PROS1: variants seen among roughly 807,000 people sequenced by gnomAD.
PROS1 encodes protein S.
A neutral mutation model predicts 75.9 loss-of-function variants in PROS1; 29 were observed. The ratio of observed to expected loss-of-function variants is 0.38; its 90% CI spans 0.28 to 0.52. PROS1 has a LOEUF of 0.52. Ranked by LOEUF, PROS1 falls within the 20% of genes least tolerant of loss-of-function variation. The probability of loss-of-function intolerance (pLI) is 0.83; values close to 1 mark genes in which losing one functional copy is unlikely to be tolerated. For missense variants in PROS1, 680 were observed against 810.3 expected (o/e 0.84, Z 1.95); for synonymous variants, 245 against 280.6 (o/e 0.87, Z 1.27).
intron 12 of PROS1, among the ~76,000 whole-genome samples, chr3:93,881,889 C>A (rs1708280228): frequency 6.6e-6 from 1 of 151,922 alleles, no homozygotes; most frequent in Non-Finnish European, 1.5e-5. Context: ...CAAATAAACA[C>A]AATTAAAATG....
Position 93,954,225 on chromosome 3 carries a change from C to T in PROS1, c.76+19449G>A, listed in dbSNP as rs182856055. On this transcript the variant is annotated intron_variant, in intron 1 of 14. Coordinates refer to ENST00000394236, the MANE Select transcript of PROS1 (RefSeq NM_000313.4). ...TTCTTCACAGAACTGGAAGAAACTA[C>T]TTTGAAGTTTATATGGAACCAAAAA... is the stretch of plus-strand genomic sequence containing the variant. 2.2e-3 allele frequency among the ~76,000 whole-genome samples: 340 copies of T among 152,248 alleles called. 2 individuals carry two copies. Among genetic ancestry groups the T allele is most frequent in the African/African-American group, 7.9e-3 (329 of 41,558 alleles).
At chr3:93,931,825 C>A (rs1184269876) in intron 1 of PROS1, among the ~76,000 whole-genome samples, 1 of 152,326 alleles carries the variant, frequency 6.6e-6, no homozygotes, top group East Asian at 1.9e-4. Flanking sequence ...ACTCCCGCTG[C>A]CACAGCTCAT....
chr3:93,927,891 ATATATATATG>A (rs1456304484), intron 1 of PROS1, among the ~76,000 whole-genome samples: 2 of 141,126 alleles, frequency 1.4e-5, no homozygotes, highest in Admixed American at 7.3e-5. Context: ...ATGTGTATAT[ATATATATATG>A]TGTGTGTGTG....
At chr3:93,937,710 G>T (rs577723014) in intron 1 of PROS1, among the ~76,000 whole-genome samples, 1 of 152,240 alleles carries the variant, frequency 6.6e-6, no homozygotes, top group East Asian at 1.9e-4. Context: ...GCAGGCCCAG[G>T]CCCAGTTTTG....
chr3:93,889,219 C>A (rs980249156), intron 10 of PROS1, among the ~76,000 whole-genome samples: 2 of 152,000 alleles, frequency 1.3e-5, no homozygotes, highest in Non-Finnish European at 2.9e-5. Context: ...TTTCTTTTTC[C>A]TTATAACATG....
At chr3:93,924,826 C>A (rs1708993255) in intron 2 of PROS1, among the ~76,000 whole-genome samples, 1 of 151,986 alleles carries the variant, frequency 6.6e-6, no homozygotes, top group African/African-American at 2.4e-5. Context: ...CCATGCACAG[C>A]TGGTTTTTTG....
chr3:93,899,576 T>A (rs1708555205), intron 7 of PROS1, among the ~76,000 whole-genome samples: 1 of 152,184 alleles, frequency 6.6e-6, no homozygotes, highest in African/African-American at 2.4e-5. Context: ...CACGGTAATT[T>A]CTATCTGCAA....
intron 11 of PROS1, among the ~76,000 whole-genome samples, chr3:93,885,842 T>A (rs1490431141): frequency 6.6e-6 from 1 of 152,174 alleles, no homozygotes; most frequent in Non-Finnish European, 1.5e-5. Context: ...GAAAGACGGA[T>A]GTAAGATAGT....
intron 1 of PROS1, among the ~76,000 whole-genome samples, chr3:93,945,574 A>G (rs1709377309): frequency 6.6e-6 from 1 of 152,226 alleles, no homozygotes; most frequent in Non-Finnish European, 1.5e-5. Context: ...GATTATCTCA[A>G]TAGATGCAGA....
At chr3:93,899,947 G>C (rs955627108) in intron 7 of PROS1, among the ~76,000 whole-genome samples, 1 of 152,068 alleles carries the variant, frequency 6.6e-6, no homozygotes, top group African/African-American at 2.4e-5. Context: ...AACTGTACTT[G>C]TAGCCCCTAA....
intron 12 of PROS1, 141 bp from the exon 13 acceptor site, chr3:93,879,455 A>G (rs1559928197): frequency 8.3e-7 from 1 of 1,209,090 alleles, no homozygotes; most frequent in East Asian, 2.4e-5. Flanking sequence ...TGATCTATAT[A>G]ACCTAGGCAA....
chr3:93,927,463 G>A, intron 1 of PROS1, 56 bp from the exon 2 acceptor site: 1 of 1,543,612 alleles, frequency 6.5e-7, no homozygotes, highest in East Asian at 2.4e-5. Context: ...AAAATATATT[G>A]TTTTATTAAA....
chr3:93,876,331 G>A (rs1223318800), intron 14 of PROS1, among the ~76,000 whole-genome samples: 2 of 152,162 alleles, frequency 1.3e-5, no homozygotes, highest in African/African-American at 4.8e-5. Flanking sequence ...GCTCACGCCT[G>A]TAATCCCAGC....
At chr3:93,899,674 A>C (rs1262682734) in intron 7 of PROS1, among the ~76,000 whole-genome samples, 1 of 152,202 alleles carries the variant, frequency 6.6e-6, no homozygotes, top group Non-Finnish European at 1.5e-5. Context: ...TCAAAATCTC[A>C]AAAGCAGCAT....
chr3:93,945,030 T>C (rs999072369), intron 1 of PROS1, among the ~76,000 whole-genome samples: 2 of 152,118 alleles, frequency 1.3e-5, no homozygotes, highest in African/African-American at 4.8e-5. Flanking sequence ...CAGAGAATAC[T>C]ATGAACACCT....
intron 1 of PROS1, among the ~76,000 whole-genome samples, chr3:93,947,904 C>A (rs1476619817): frequency 6.6e-6 from 1 of 152,110 alleles, no homozygotes; most frequent in Non-Finnish European, 1.5e-5. Flanking sequence ...TACTCTCCCC[C>A]CTTACCTTGG....
intron 12 of PROS1, among the ~76,000 whole-genome samples, chr3:93,883,598 A>C (rs967632097): frequency 3.3e-5 from 5 of 151,846 alleles, no homozygotes; most frequent in African/African-American, 1.2e-4. Context: ...AGTCTCAAAA[A>C]AAAAGAAAAA....
chr3:93,961,303 T>A (rs2107260947), intron 1 of PROS1, among the ~76,000 whole-genome samples: 1 of 152,284 alleles, frequency 6.6e-6, no homozygotes, highest in Middle Eastern at 3.4e-3. Flanking sequence ...TTTTGAGCTT[T>A]GCATGCCAAA....
At chr3:93,905,504 C>T (rs1187286670) in intron 6 of PROS1, among the ~76,000 whole-genome samples, 1 of 152,118 alleles carries the variant, frequency 6.6e-6, no homozygotes, top group African/African-American at 2.4e-5. Flanking sequence ...ACTTGGGAGG[C>T]TGAAGTCAGA....
Sources: gnomAD v4.1 joint callset for allele counts (sites outside exome capture counted in the v4.1 genomes callset) on GRCh38, gnomAD v4.1.1 for gene constraint, MANE v1.5 for transcripts, NCBI Gene and HGNC (gene_info 2026-07-23, HGNC 2026-07-21) for gene names.